The following BMS1 variants were observed in gnomAD, a reference collection of about 807,000 sequenced individuals.
BMS1 encodes the protein ribosome biogenesis protein BMS1 homolog.
A neutral mutation model predicts 138.7 loss-of-function variants in BMS1; 53 were observed. The observed-to-expected ratio is 0.38, with a 90% CI of 0.31 to 0.48. The LOEUF (loss-of-function observed/expected upper bound fraction) is 0.48, where lower values mean the gene tolerates loss of function less well. Ranked by LOEUF, BMS1 falls within the 20% of genes least tolerant of loss-of-function variation. BMS1 has a pLI of 0.97. For missense variants in BMS1, 1,360 were observed against 1,565.5 expected, an observed-to-expected ratio of 0.87 and a Z score of 2.22; for synonymous variants, 504 against 539.9, an observed-to-expected ratio of 0.93 and a Z score of 0.92.
rs1842800739 is a variant in BMS1, at chr10:42,831,602, T to A, written c.*506T>A. ...TGTTTGAGTGACACACAAACCTAGA[T>A]GGTACAGCCTACTGTGCACCCAGGA... On this transcript the variant is annotated 3_prime_UTR_variant, in exon 23 of 23. Coordinates refer to ENST00000374518, the MANE Select transcript of BMS1 (RefSeq NM_014753.4). The A allele has an allele frequency of 6.2e-6, 1 of 161,880 alleles. No individual in the cohort carries two copies. The highest frequency in any genetic ancestry group is 1.7e-4 in the South Asian group (1 of 6,002). 10.0% of individuals were successfully genotyped at this position (161,880 alleles called of 1,614,324 possible). A position where few individuals can be genotyped will look rare whatever the true frequency, so the allele number is the denominator to read the frequency against.
intron 13 of BMS1, among the ~76,000 whole-genome samples, chr10:42,808,513 A>T (rs1317412734): frequency 6.6e-6 from 1 of 151,772 alleles, no homozygotes; most frequent in Non-Finnish European, 1.5e-5. Flanking sequence ...GTTTGCCAGG[A>T]TGGTCTCCAT....
intron 13 of BMS1, among the ~76,000 whole-genome samples, chr10:42,811,685 C>T (rs376068562): frequency 7.3e-5 from 11 of 150,286 alleles, no homozygotes; most frequent in East Asian, 3.9e-4. Flanking sequence ...CCACTACGCC[C>T]GGCTAATTTT....
rs1311046131 is a variant in BMS1, at chr10:42,790,899, C to T, written c.636+388C>T. 3.3e-5 allele frequency among the ~76,000 whole-genome samples: 5 copies of T among 151,334 alleles called. No homozygotes were observed. The East Asian group carries it at 7.7e-4, about 23-fold the overall frequency. On this transcript the variant is annotated intron_variant, in intron 5 of 22. Coordinates refer to ENST00000374518, the MANE Select transcript of BMS1 (RefSeq NM_014753.4). Reference sequence around the variant, plus strand: ...CATTACTAAACGTCTCTCTAGGATTCGCCTCCTGAATTTCCTTTGTGTGTG... The same window carrying T: ...CATTACTAAACGTCTCTCTAGGATTTGCCTCCTGAATTTCCTTTGTGTGTG...
intron 21 of BMS1, among the ~76,000 whole-genome samples, chr10:42,826,483 C>T (rs531344213): frequency 3.5e-4 from 54 of 152,250 alleles, no homozygotes; most frequent in African/African-American, 9.4e-4. Flanking sequence ...CGAGGCCAGG[C>T]GCAGCATCAG....
At position 42,791,760 on chromosome 10, in the gene BMS1, T is replaced by G; in HGVS notation, c.770T>G (p.Leu257Arg). The stretch of plus-strand genomic sequence containing the variant: ...TGGCAAACTTCTCACCCTTATATCC[T>G]GGCAGACAGGTAAAATATGATTTTA... ...LTWQTSHPYI[L>R]ADRMEDLTNP... Residue 257 changes from leucine (L) to arginine (R), a missense_variant, in exon 6 of 23, where the codon CTG (leucine) becomes CGG (arginine). Coordinates refer to ENST00000374518, the MANE Select transcript of BMS1 (RefSeq NM_014753.4). 6.2e-7 allele frequency: 1 copy of G among 1,600,658 alleles called. No individual in the cohort carries two copies. Among genetic ancestry groups the G allele is most frequent in the Non-Finnish European group, 8.5e-7 (1 of 1,176,716 alleles).
chr10:42,798,505 A>G lies in BMS1; in HGVS notation c.2127A>G (p.Leu709=), dbSNP rs1158650128. The G allele has an allele frequency of 1.2e-6, 2 of 1,614,218 alleles. No homozygotes were observed. The highest frequency in any genetic ancestry group is 8.5e-7 in the Non-Finnish European group (1 of 1,180,036). ...EDNEEEDDDT[L]EELGGLFRVN... is the part of the protein sequence containing the mutation. ...ATGAAGAAGAAGATGATGATACTCT[A>G]GAAGAGCTTGGAGGGTTGTTTCGTG... Residue 709 remains leucine (L), a synonymous_variant, in exon 12 of 23, where the codon CTA becomes CTG. Coordinates refer to ENST00000374518, the MANE Select transcript of BMS1 (RefSeq NM_014753.4).
intron 13 of BMS1, among the ~76,000 whole-genome samples, chr10:42,816,381 A>G (rs1429115412): frequency 6.6e-6 from 1 of 152,204 alleles, no homozygotes; most frequent in Non-Finnish European, 1.5e-5. Context: ...GAAGTGCGGA[A>G]ATGTGGATTG....
rs1842845483 is a variant in BMS1, at chr10:42,834,674, T to C, written c.*3578T>C. The stretch of plus-strand genomic sequence containing the variant: ...TTTCATATTTGGGGATGGTACCTTA[T>C]CGAAAATCAGATAAACTTTGGTTGG... On this transcript the variant is annotated 3_prime_UTR_variant, in exon 23 of 23. Coordinates refer to ENST00000374518, the MANE Select transcript of BMS1 (RefSeq NM_014753.4). 1 of 152,204 alleles carries C rather than the reference T, an allele frequency of 6.6e-6. No individual in the cohort carries two copies. Among genetic ancestry groups the C allele is most frequent in the Non-Finnish European group, 1.5e-5 (1 of 68,042 alleles). 9.4% of individuals were successfully genotyped at this position (152,204 alleles called of 1,614,324 possible).
rs750742209 is a variant in BMS1 at position 42,796,727 on chromosome 10, G to C, written c.1483G>C (p.Glu495Gln). 22 of 1,614,082 alleles carry C rather than the reference G, an allele frequency of 1.4e-5. No individual in the cohort carries two copies. In the Admixed American group the frequency reaches 2.7e-4, roughly 20 times the overall value. ...GAAACTTGAGTTGGAAGAAGACAGT[G>C]AAATGGATTTGCCAGCATTTGCTGA... ...RRKLELEEDS[E>Q]MDLPAFADSD... The change falls in exon 10 of 23, where the codon GAA becomes CAA. Residue 495 changes from glutamate (E) to glutamine (Q), a missense_variant. Glu to Gln is a conservative substitution (Grantham distance 29). Coordinates refer to ENST00000374518, the MANE Select transcript of BMS1 (RefSeq NM_014753.4).
intron 18 of BMS1, among the ~76,000 whole-genome samples, chr10:42,821,506 C>T (rs999050628): frequency 6.7e-6 from 1 of 148,252 alleles, no homozygotes; most frequent in African/African-American, 2.5e-5. Flanking sequence ...AAATTACATT[C>T]CTCTGAAATC....
At position 42,796,854 on chromosome 10, in the gene BMS1, T is replaced by C. The variant is rs775397718; in HGVS notation, c.1610T>C (p.Ile537Thr). 1 of 1,614,144 alleles carries C rather than the reference T, an allele frequency of 6.2e-7. No homozygotes were observed. The highest frequency in any genetic ancestry group is 8.5e-7 in the Non-Finnish European group (1 of 1,180,024). Residue 537 changes from isoleucine to threonine, a missense_variant, in exon 10 of 23, where the codon ATT (isoleucine) becomes ACT (threonine). Around this residue, in one of 3 missense-constraint regions of BMS1, gnomAD observed 697 missense variants for 686.2 expected, o/e 1.02. Coordinates refer to ENST00000374518, the MANE Select transcript of BMS1 (RefSeq NM_014753.4). ...GACTGCACTGCAGGAGAGAAGGGCA[T>C]TTCAGGATCAAAGGCTGCTGGAGAA... is the stretch of plus-strand genomic sequence containing the variant. Reference protein sequence around the residue: ...EEDCTAGEKGISGSKAAGEGS... With the variant: ...EEDCTAGEKGTSGSKAAGEGS...
In BMS1 at chr10:42,784,560, T is replaced by A. The variant is rs963302082; in HGVS notation, c.166T>A (p.Ser56Thr). ...TCAGTCTGCTGTGCGGATGGCTCGA[T>A]CCTTTCACAGGTATGTTAGGCTACG... Reference protein sequence around the residue: ...AVQSAVRMARSFHRTQDLKTK... With the variant: ...AVQSAVRMARTFHRTQDLKTK... The change falls in exon 2 of 23, where the codon TCC becomes ACC. Residue 56 changes from serine to threonine, a missense_variant. By Grantham distance (58) the Ser-to-Thr change is moderately conservative. Coordinates refer to ENST00000374518, the MANE Select transcript of BMS1 (RefSeq NM_014753.4). The A allele has an allele frequency of 6.2e-7, 1 of 1,612,034 alleles. No individual in the cohort carries two copies. Among genetic ancestry groups the A allele is most frequent in the Non-Finnish European group, 8.5e-7 (1 of 1,179,312 alleles).
chr10:42,821,096 A>G lies in BMS1; in HGVS notation c.3009+104A>G. On this transcript the variant is annotated intron_variant, in intron 18 of 22. Transcript: ENST00000374518. Reference sequence around the variant, plus strand: ...TTTAAGTTGAAAATTACTCATTTTTATTAATACAAAGTAAATTTCCCTTTG... The same window carrying G: ...TTTAAGTTGAAAATTACTCATTTTTGTTAATACAAAGTAAATTTCCCTTTG... The G allele has an allele frequency of 3.1e-6, 3 of 969,374 alleles. No individual in the cohort carries two copies. The South Asian group carries it at 4.4e-5, about 14-fold the overall frequency. The allele number at this position is 969,374 out of a possible 1,614,324, so 60.0% of individuals were successfully genotyped here.
rs533115889 is a variant in BMS1 at position 42,820,814 on chromosome 10, G to A, written c.2951-120G>A. 8.8e-5 allele frequency: 114 copies of A among 1,299,396 alleles called. No individual in the cohort carries two copies. In the African/African-American group the frequency reaches 1.5e-3, roughly 17 times the overall value. The allele number at this position is 1,299,396 out of a possible 1,614,324, so 80.5% of individuals were successfully genotyped here. A position where few individuals can be genotyped will look rare whatever the true frequency, so the allele number is the denominator to read the frequency against. On this transcript the variant is annotated intron_variant, in intron 17 of 22. Coordinates refer to ENST00000374518, the MANE Select transcript of BMS1 (RefSeq NM_014753.4). ...GATTTTTCTCTTTTCTGGGAGCGGG[G>A]AGGTGGTTTGGAGTATATATGTAAA...
intron 19 of BMS1, 81 bp from the exon 20 acceptor site, chr10:42,823,037 A>T (rs548402930): frequency 4.6e-6 from 6 of 1,291,578 alleles, no homozygotes; most frequent in Non-Finnish European, 6.1e-6. Flanking sequence ...TCTTTAATCA[A>T]GGATGTATGT....
intron 6 of BMS1, 95 bp downstream of exon 6, chr10:42,791,864 A>G: frequency 7.0e-7 from 1 of 1,425,694 alleles, no homozygotes; most frequent in Non-Finnish European, 9.4e-7. Context: ...TTTTGTGCCG[A>G]TTTGAATAGG....
intron 4 of BMS1, 130 bp downstream of exon 4, chr10:42,787,377 T>C (rs1841369217): frequency 1.3e-6 from 1 of 750,602 alleles, no homozygotes; most frequent in Non-Finnish European, 2.3e-6. Flanking sequence ...AGTGATACGG[T>C]AGATATGATT....
At chr10:42,826,251 G>T (rs1842640327) in intron 21 of BMS1, among the ~76,000 whole-genome samples, 2 of 151,554 alleles carry the variant, frequency 1.3e-5, no homozygotes, top group South Asian at 2.1e-4. Flanking sequence ...GTGTGTGTGT[G>T]TGTGTGTGTG....
chr10:42,819,575 A>G (rs1842443822), intron 15 of BMS1, among the ~76,000 whole-genome samples: 1 of 152,130 alleles, frequency 6.6e-6, no homozygotes, highest in South Asian at 2.1e-4. Context: ...AGCTGAGTGA[A>G]GGTGAGGGTG....
Sources: gnomAD v4.1 joint callset for allele counts (sites outside exome capture counted in the v4.1 genomes callset) on GRCh38, gnomAD v4.1.1 for gene constraint, gnomAD v4.1.1 regional missense constraint, MANE v1.5 for transcripts, NCBI Gene and HGNC (gene_info 2026-07-23, HGNC 2026-07-21) for gene names.